The following SHISA6 variants were observed in gnomAD, a reference collection of about 807,000 sequenced individuals.
The protein encoded by SHISA6 is protein shisa-6.
SHISA6 carries 22 observed loss-of-function variants against 47.9 expected under a neutral mutation model. The observed-to-expected ratio is 0.46, with a 90% confidence interval of 0.33 to 0.66. The LOEUF is 0.66. SHISA6 is among the 30% of genes least tolerant of loss of function. SHISA6 has a pLI of 0.02. For missense variants in SHISA6, 680 were observed against 764.6 expected, an observed-to-expected ratio of 0.89 and a Z score of 1.30; for synonymous variants, 388 against 337.8, an observed-to-expected ratio of 1.15 and a Z score of -1.63.
chr17:11,390,956 T>C (rs76736266), intron 3 of SHISA6, among the ~76,000 whole-genome samples: 5,564 of 152,240 alleles, frequency 0.037, 188 homozygotes, highest in Admixed American at 0.088. Context: ...GTAGATACCA[T>C]GAACAGTGGA....
At chr17:11,368,750 A>G (rs1912533462) in intron 2 of SHISA6, among the ~76,000 whole-genome samples, 9 of 152,000 alleles carry the variant, frequency 5.9e-5, no homozygotes, top group Admixed American at 5.9e-4. Context: ...TCTGCCTCCC[A>G]GGTTCAAGTG....
chr17:11,390,124 T>C (rs1465211007), intron 3 of SHISA6, among the ~76,000 whole-genome samples: 1 of 152,210 alleles, frequency 6.6e-6, no homozygotes, highest in Non-Finnish European at 1.5e-5. Context: ...CCTAGAATCA[T>C]GGCCTCAGCC....
At chr17:11,389,270 T>C (rs1913308723) in intron 3 of SHISA6, among the ~76,000 whole-genome samples, 1 of 152,156 alleles carries the variant, frequency 6.6e-6, no homozygotes, top group South Asian at 2.1e-4. Flanking sequence ...GACAATCTTC[T>C]GGACTGGTGT....
intron 5 of SHISA6, among the ~76,000 whole-genome samples, chr17:11,557,009 G>A (rs1159512779): frequency 6.6e-6 from 1 of 152,160 alleles, no homozygotes; most frequent in Admixed American, 6.5e-5. Flanking sequence ...TAGAGAGAAA[G>A]GTGGAGCATC....
intron 3 of SHISA6, among the ~76,000 whole-genome samples, chr17:11,412,727 G>T (rs1018696061): frequency 8.5e-5 from 13 of 152,086 alleles, no homozygotes; most frequent in African/African-American, 3.1e-4. Flanking sequence ...ATTTTTAGTA[G>T]AGACGGGGGA....
At chr17:11,400,276 G>T (rs766531065) in intron 3 of SHISA6, among the ~76,000 whole-genome samples, 9 of 152,152 alleles carry the variant, frequency 5.9e-5, no homozygotes, top group South Asian at 4.1e-4. Context: ...TTCGTTTTCT[G>T]CCATCTCTCA....
At chr17:11,322,461 TG>T (rs1329300960) in intron 2 of SHISA6, among the ~76,000 whole-genome samples, 1 of 152,212 alleles carries the variant, frequency 6.6e-6, no homozygotes, top group Non-Finnish European at 1.5e-5. Context: ...TCTTTTGCCT[TG>T]CCCTTAATTT....
At chr17:11,328,028 TC>T (rs1404968022) in intron 2 of SHISA6, among the ~76,000 whole-genome samples, 1 of 152,194 alleles carries the variant, frequency 6.6e-6, no homozygotes, top group Admixed American at 6.5e-5. Context: ...ACAAATTCAT[TC>T]ACTTTTTTGT....
At chr17:11,276,468 A>G (rs1908895764) in intron 2 of SHISA6, among the ~76,000 whole-genome samples, 1 of 152,148 alleles carries the variant, frequency 6.6e-6, no homozygotes, top group Non-Finnish European at 1.5e-5. Flanking sequence ...AAACCAATGG[A>G]ATATTTGCAA....
chr17:11,381,370 GTTATGGAGT>G (rs1240424987), intron 3 of SHISA6, among the ~76,000 whole-genome samples: 2 of 152,244 alleles, frequency 1.3e-5, no homozygotes, highest in Non-Finnish European at 2.9e-5. Flanking sequence ...ATATTTAGAA[GTTATGGAGT>G]TTATGGAGTT....
At chr17:11,408,638 T>C (rs1419114225) in intron 3 of SHISA6, among the ~76,000 whole-genome samples, 2 of 152,228 alleles carry the variant, frequency 1.3e-5, no homozygotes, top group Non-Finnish European at 2.9e-5. Flanking sequence ...TGTAAGAAGC[T>C]AGACATAAAC....
intron 3 of SHISA6, among the ~76,000 whole-genome samples, chr17:11,447,580 C>A (rs1482712828): frequency 1.3e-5 from 2 of 152,174 alleles, no homozygotes; most frequent in African/African-American, 4.8e-5. Context: ...TGTGTCCCAC[C>A]CTCTACCCCA....
intron 3 of SHISA6, among the ~76,000 whole-genome samples, chr17:11,549,008 GCTTTTACTA>G (rs1431064679): frequency 1.3e-5 from 2 of 152,102 alleles, no homozygotes; most frequent in African/African-American, 4.8e-5. Flanking sequence ...TGGTTTCATC[GCTTTTACTA>G]CTATAAAAAT....
chr17:11,547,938 C>A (rs2071896635), intron 3 of SHISA6, among the ~76,000 whole-genome samples: 2 of 152,020 alleles, frequency 1.3e-5, no homozygotes, highest in African/African-American at 4.8e-5. Context: ...ATTGAAATTG[C>A]AAATTGAATT....
intron 3 of SHISA6, among the ~76,000 whole-genome samples, chr17:11,521,968 A>AT (rs202166709): frequency 0.018 from 2,729 of 151,348 alleles, 83 homozygotes; most frequent in African/African-American, 0.061. Context: ...TTATTTATTT[A>AT]TTATTATTAT....
chr17:11,294,728 C>T (rs1282489869), intron 2 of SHISA6, among the ~76,000 whole-genome samples: 1 of 152,074 alleles, frequency 6.6e-6, no homozygotes, highest in African/African-American at 2.4e-5. Context: ...TGGTACCAAA[C>T]CTTATATATA....
intron 3 of SHISA6, among the ~76,000 whole-genome samples, chr17:11,440,887 A>C (rs1281931102): frequency 6.6e-6 from 1 of 151,760 alleles, no homozygotes; most frequent in Non-Finnish European, 1.5e-5. Context: ...GAGAGATGGG[A>C]GAGAGGAGGT....
chr17:11,249,353 G>A (rs1035425510), intron 1 of SHISA6, among the ~76,000 whole-genome samples: 2 of 151,942 alleles, frequency 1.3e-5, no homozygotes, highest in African/African-American at 4.8e-5. Context: ...TGTGATTTCA[G>A]GGTTATCTTC....
At chr17:11,328,412 T>C (rs1567574319) in intron 2 of SHISA6, among the ~76,000 whole-genome samples, 1 of 152,232 alleles carries the variant, frequency 6.6e-6, no homozygotes, top group Non-Finnish European at 1.5e-5. Context: ...TGACATTTAC[T>C]GGTTGCAGAA....
Sources: gnomAD v4.1 joint callset for allele counts (sites outside exome capture counted in the v4.1 genomes callset) on GRCh38, gnomAD v4.1.1 for gene constraint, MANE v1.5 for transcripts, NCBI Gene and HGNC (gene_info 2026-07-23, HGNC 2026-07-21) for gene names.